CBFA2T3: variants seen among roughly 807,000 people sequenced by gnomAD.
The protein encoded by CBFA2T3 is CBFA2/RUNX1 partner transcriptional co-repressor 3, also known as transcriptional corepressor CBFA2T3.
CBFA2T3 carries 31 observed loss-of-function variants against 58.6 expected under a neutral mutation model. The ratio of observed to expected loss-of-function variants is 0.53; its 90% CI spans 0.40 to 0.71. CBFA2T3 has a LOEUF of 0.71. Ranked by LOEUF, CBFA2T3 falls within the 30% of genes least tolerant of loss-of-function variation. The pLI is 0.00. For synonymous variants in CBFA2T3, 531 were observed against 421.9 expected, an observed-to-expected ratio of 1.26 and a Z score of -3.17; for missense variants, 1,076 against 963.1, an observed-to-expected ratio of 1.12 and a Z score of -1.55.
intron 1 of CBFA2T3, among the ~76,000 whole-genome samples, chr16:88,910,535 T>G (rs1970498293): frequency 6.6e-6 from 1 of 152,220 alleles, no homozygotes. Flanking sequence ...CTCAGTGTCC[T>G]CCGGAGCCAC....
At position 88,885,374 on chromosome 16, in the gene CBFA2T3, G is replaced by A. The variant is rs888923563; in HGVS notation, c.894-105C>T. 20 of 732,410 alleles carry A rather than the reference G, an allele frequency of 2.7e-5. 1 individual carries two copies. The Middle Eastern group carries it at 1.5e-3, about 55-fold the overall frequency. 45.4% of individuals were successfully genotyped at this position (732,410 alleles called of 1,614,324 possible). A position where few individuals can be genotyped will look rare whatever the true frequency, so the allele number is the denominator to read the frequency against. On this transcript the variant is annotated intron_variant, in intron 6 of 11. Transcript: ENST00000268679. The surrounding 1 kb of genome is among the most constrained non-coding windows in gnomAD (Gnocchi z 5.3). ...GACAGGCAAGGGCAGAGAGAAAGAG[G>A]ACACGTAAGGGCGAGACAGAAACAC...
intron 5 of CBFA2T3, among the ~76,000 whole-genome samples, chr16:88,888,250 T>C: frequency 6.6e-6 from 1 of 150,788 alleles, no homozygotes; most frequent in Non-Finnish European, 1.5e-5. Flanking sequence ...GATGATGTCT[T>C]CAAGGACTGC....
intron 1 of CBFA2T3, among the ~76,000 whole-genome samples, chr16:88,920,761 G>A (rs527718254): frequency 4.4e-4 from 67 of 152,342 alleles, no homozygotes; most frequent in African/African-American, 1.6e-3. Flanking sequence ...TCTGCCAGGA[G>A]GACTGGGTCC....
At chr16:88,943,003 C>T (rs1255206656) in intron 1 of CBFA2T3, among the ~76,000 whole-genome samples, 4 of 152,206 alleles carry the variant, frequency 2.6e-5, no homozygotes. Flanking sequence ...ATTTATCCAT[C>T]CTGGCTCCCT....
rs74739657 is a variant in CBFA2T3, at chr16:88,885,468, T to C, written c.894-199A>G. ...CTCTCTGCCCCTCTGCCGGGGCCCATGCCAGCCTCAACCCCTGCTCCAGCT... is the reference window on the plus strand; with the variant it reads ...CTCTCTGCCCCTCTGCCGGGGCCCACGCCAGCCTCAACCCCTGCTCCAGCT... On this transcript the variant is annotated intron_variant, in intron 6 of 11. Transcript: ENST00000268679. The surrounding 1 kb of genome is among the most constrained non-coding windows in gnomAD (Gnocchi z 5.3). 0.018 allele frequency among the ~76,000 whole-genome samples: 2,800 copies of C among 152,132 alleles called. 43 individuals carry two copies. The highest frequency in any genetic ancestry group is 0.035 in the African/African-American group (1,472 of 41,482).
At position 88,877,125 on chromosome 16, in the gene CBFA2T3, C is replaced by CCA; in HGVS notation, c.1812_1813insTG (p.Asp605TrpfsTer145). The CCA allele has an allele frequency of 1.3e-6, 2 of 1,548,406 alleles. No individual in the cohort carries two copies. The highest frequency in any genetic ancestry group is 2.4e-5 in the South Asian group (2 of 83,990). On this transcript the variant is annotated frameshift_variant, in exon 12 of 12. Transcript: ENST00000268679. LOFTEE classifies it low-confidence loss of function (END_TRUNC). ...GCTTCGGGCGGTCCAGGCACCGGGT[C>CCA]GGCCACCACGGCTGTGGGGCCCTGC... is the stretch of plus-strand genomic sequence containing the variant.
At chr16:88,943,772 C>G (rs577616132) in intron 1 of CBFA2T3, among the ~76,000 whole-genome samples, 1 of 152,328 alleles carries the variant, frequency 6.6e-6, no homozygotes, top group South Asian at 2.1e-4. Flanking sequence ...GAACTGGTTT[C>G]TTGCCCTGGA....
At position 88,877,257 on chromosome 16, in the gene CBFA2T3, G is replaced by A; in HGVS notation, c.1681C>T (p.Arg561Trp). ...CCGCTGCACGTCTCACTGGCTTTCC[G>A]CCCGCAGTTCCAGCAGCTCTGGGTG... ...DSSESCWNCG[R>W]KASETCSGCN... Residue 561 changes from arginine to tryptophan, a missense_variant, in exon 12 of 12, where the codon CGG (arginine) becomes TGG (tryptophan). Physicochemically the swap from Arg to Trp is moderately radical, Grantham distance 101. Transcript: ENST00000268679. The A allele has an allele frequency of 1.9e-6, 3 of 1,550,442 alleles. No individual in the cohort carries two copies. Among genetic ancestry groups the A allele is most frequent in the Non-Finnish European group, 2.6e-6 (3 of 1,147,524 alleles).
chr16:88,941,335 C>T, intron 1 of CBFA2T3: 1 of 203,862 alleles, frequency 4.9e-6, no homozygotes. Context: ...GCCGCGCGCT[C>T]GCCCGAGAGT....
At chr16:88,930,099 G>A (rs1022928868) in intron 1 of CBFA2T3, among the ~76,000 whole-genome samples, 40 of 143,290 alleles carry the variant, frequency 2.8e-4, no homozygotes, top group Non-Finnish European at 4.3e-4. Context: ...CATGGTCCAC[G>A]TAAAAGCTAC....
chr16:88,889,039 C>A (rs1436676192), intron 5 of CBFA2T3, among the ~76,000 whole-genome samples: 2 of 151,930 alleles, frequency 1.3e-5, no homozygotes, highest in Non-Finnish European at 2.9e-5. Flanking sequence ...CTCTGCCTGA[C>A]CCTGATCCTC....
At chr16:88,899,008 C>T (rs1969999681) in intron 2 of CBFA2T3, among the ~76,000 whole-genome samples, 1 of 152,050 alleles carries the variant, frequency 6.6e-6, no homozygotes, top group Non-Finnish European at 1.5e-5. Flanking sequence ...CTTTAAGCGT[C>T]CTCCCAGCTT....
rs771712049 is a variant in CBFA2T3, at chr16:88,876,895, G to A, written c.*81C>T. 1.6e-4 allele frequency: 180 copies of A among 1,145,188 alleles called. No individual in the cohort carries two copies. The highest frequency in any genetic ancestry group is 1.9e-4 in the Non-Finnish European group (161 of 860,648). The allele number at this position is 1,145,188 out of a possible 1,614,324, so 70.9% of individuals were successfully genotyped here. A position where few individuals can be genotyped will look rare whatever the true frequency, so the allele number is the denominator to read the frequency against. ...AGTGTCTGGCAGGCCAGGCATCGGA[G>A]GCCAGGCACAGCATCCGGTGGGCCT... On this transcript the variant is annotated 3_prime_UTR_variant, in exon 12 of 12. Coordinates refer to ENST00000268679, the MANE Select transcript of CBFA2T3 (RefSeq NM_005187.6).
At chr16:88,910,400 G>A (rs1350429101) in intron 1 of CBFA2T3, among the ~76,000 whole-genome samples, 3 of 152,174 alleles carry the variant, frequency 2.0e-5, no homozygotes, top group Non-Finnish European at 4.4e-5. Flanking sequence ...GCTCCAGGAG[G>A]GCTGGGCTTC....
chr16:88,950,287 G>A (rs919910540), intron 1 of CBFA2T3: 6 of 424,048 alleles, frequency 1.4e-5, no homozygotes, highest in Non-Finnish European at 2.8e-5. Context: ...GACCGGCACC[G>A]CCACAGAGGG....
Position 88,960,071 on chromosome 16 carries a change from G to T in CBFA2T3, c.151+16586C>A, listed in dbSNP as rs1050557469. On this transcript the variant is annotated intron_variant, in intron 1 of 11. Coordinates refer to ENST00000268679, the MANE Select transcript of CBFA2T3 (RefSeq NM_005187.6). ...TAAAATAAATAAATAAATCATTAAG[G>T]TTCCAAGGAAAGATGAGTCTGTTTC... is the stretch of plus-strand genomic sequence containing the variant. Among the ~76,000 whole-genome samples the T allele has an allele frequency of 5.3e-5, 8 of 150,186 alleles. No individual in the cohort carries two copies. In the East Asian group the frequency reaches 1.3e-3, roughly 25 times the overall value.
chr16:88,906,019 T>C (rs1970316502), intron 1 of CBFA2T3, among the ~76,000 whole-genome samples: 1 of 151,978 alleles, frequency 6.6e-6, no homozygotes, highest in East Asian at 1.9e-4. Context: ...TCTCTGTCCA[T>C]TTCCTTGCCT....
chr16:88,929,223 T>A (rs1971193423), intron 1 of CBFA2T3, among the ~76,000 whole-genome samples: 1 of 152,154 alleles, frequency 6.6e-6, no homozygotes, highest in Non-Finnish European at 1.5e-5. Context: ...GCAGGCAGTC[T>A]GGCTGCCGCT....
intron 1 of CBFA2T3, among the ~76,000 whole-genome samples, chr16:88,975,691 G>A (rs1972839732): frequency 6.6e-6 from 1 of 152,276 alleles, no homozygotes; most frequent in Non-Finnish European, 1.5e-5. Flanking sequence ...CCGGGGTTGG[G>A]AAGTTCCTGC....
Sources: allele counts gnomAD v4.1 joint callset (sites outside exome capture counted in the v4.1 genomes callset), GRCh38; gene constraint gnomAD v4.1.1; non-coding constraint Gnocchi (gnomAD v3.1); transcripts MANE v1.5; gene names NCBI Gene and HGNC (gene_info 2026-07-23, HGNC 2026-07-21).